FRK: variants seen among roughly 807,000 people sequenced by gnomAD.
The protein encoded by FRK is fyn related Src family tyrosine kinase, also known as tyrosine-protein kinase FRK.
In FRK, 51 loss-of-function variants were observed where a neutral mutation model predicts 56.4. The observed-to-expected ratio is 0.90, with a 90% confidence interval of 0.72 to 1.14. The LOEUF (loss-of-function observed/expected upper bound fraction) is 1.14, where lower values mean the gene tolerates loss of function less well. Among genes scored for constraint, FRK ranks in the 50% most tolerant of loss-of-function variants. The pLI, the probability that FRK is intolerant of heterozygous loss-of-function variation, is 0.00. For synonymous variants in FRK, 245 were observed against 217.9 expected, an observed-to-expected ratio of 1.12 and a Z score of -1.10; for missense variants, 570 against 601.4, an observed-to-expected ratio of 0.95 and a Z score of 0.55.
At chr6:115,957,691 A>G (rs1773063307) in intron 4 of FRK, among the ~76,000 whole-genome samples, 1 of 152,226 alleles carries the variant, frequency 6.6e-6, no homozygotes, top group South Asian at 2.1e-4. Flanking sequence ...ATCATTTCAC[A>G]TAAAACATTT....
the FRK span, among the ~76,000 whole-genome samples, chr6:116,083,826 AT>A: frequency 2.3e-3 from 331 of 144,362 alleles, 1 homozygote; most frequent in African/African-American, 5.8e-3. Context: ...TGCCCAGCTA[AT>A]TTTTTTTTTT....
intron 1 of FRK, among the ~76,000 whole-genome samples, chr6:116,029,919 T>C (rs1243294669): frequency 1.3e-5 from 2 of 152,150 alleles, no homozygotes; most frequent in Non-Finnish European, 2.9e-5. Flanking sequence ...TCCAATTATT[T>C]TGTATTTTTG....
intron 1 of FRK, among the ~76,000 whole-genome samples, chr6:116,050,521 CCTGT>C (rs1777143811): frequency 1.3e-5 from 2 of 152,244 alleles, no homozygotes; most frequent in South Asian, 2.1e-4. Flanking sequence ...AATAGTGGGC[CCTGT>C]CTAACACCCT....
chr6:115,968,222 A>G (rs966278557), intron 3 of FRK, among the ~76,000 whole-genome samples: 9 of 152,074 alleles, frequency 5.9e-5, no homozygotes, highest in African/African-American at 2.2e-4. Context: ...TTGTTTTAAG[A>G]ATTGACTAGG....
At chr6:116,093,482 G>C in the FRK span, among the ~76,000 whole-genome samples, 196 of 152,268 alleles carry the variant, frequency 1.3e-3, no homozygotes, top group Non-Finnish European at 2.3e-3. Flanking sequence ...ATCAAACCCT[G>C]GCCTTTAATG....
intron 1 of FRK, among the ~76,000 whole-genome samples, chr6:116,012,220 A>AT (rs1395441240): frequency 6.6e-6 from 1 of 152,094 alleles, no homozygotes; most frequent in Non-Finnish European, 1.5e-5. Flanking sequence ...CCACCACTAG[A>AT]TTTATCATCT....
At chr6:115,966,648 C>T (rs1773589269) in intron 4 of FRK, among the ~76,000 whole-genome samples, 1 of 152,086 alleles carries the variant, frequency 6.6e-6, no homozygotes, top group Non-Finnish European at 1.5e-5. Context: ...TACAATCTAG[C>T]CTATGTTGAT....
chr6:115,990,770 C>T (rs1207134907), intron 2 of FRK, among the ~76,000 whole-genome samples: 1 of 151,692 alleles, frequency 6.6e-6, no homozygotes, highest in East Asian at 1.9e-4. Flanking sequence ...TTTTTTGGTG[C>T]CATGTGAATT....
At chr6:116,000,431 C>T (rs1775021710) in intron 2 of FRK, among the ~76,000 whole-genome samples, 1 of 151,652 alleles carries the variant, frequency 6.6e-6, no homozygotes, top group Admixed American at 6.6e-5. Context: ...TTAGTAGAGA[C>T]AGGGTTTCAC....
intron 5 of FRK, among the ~76,000 whole-genome samples, chr6:115,952,080 T>C (rs918198786): frequency 2.6e-5 from 4 of 152,186 alleles, no homozygotes; most frequent in Non-Finnish European, 5.9e-5. Context: ...ATTCTGGATA[T>C]TAGCCCTTTG....
At chr6:116,026,966 T>C (rs1399221381) in intron 1 of FRK, among the ~76,000 whole-genome samples, 1 of 152,146 alleles carries the variant, frequency 6.6e-6, no homozygotes, top group Non-Finnish European at 1.5e-5. Context: ...TCTGAAGTAT[T>C]GGCTATTGCT....
chr6:115,972,467 TG>T, intron 2 of FRK, among the ~76,000 whole-genome samples: 1 of 152,294 alleles, frequency 6.6e-6, no homozygotes, highest in East Asian at 1.9e-4. Flanking sequence ...TCACTAGGTT[TG>T]GGGTCCCATT....
At chr6:115,993,549 A>T (rs1774703599) in intron 2 of FRK, among the ~76,000 whole-genome samples, 1 of 151,908 alleles carries the variant, frequency 6.6e-6, no homozygotes, top group Admixed American at 6.6e-5. Context: ...AAACATTAAT[A>T]TAAAAGAGGG....
intron 1 of FRK, among the ~76,000 whole-genome samples, chr6:116,054,752 A>C (rs1340282324): frequency 2.6e-5 from 4 of 151,852 alleles, no homozygotes; most frequent in African/African-American, 9.6e-5. Flanking sequence ...CAAAGGGAAC[A>C]AAATAAATGA....
chr6:116,081,660 AAT>A, the FRK span, among the ~76,000 whole-genome samples: 96 of 148,484 alleles, frequency 6.5e-4, no homozygotes, highest in Admixed American at 6.1e-4. Flanking sequence ...TCCATATAAA[AAT>A]ATATATATAT....
intron 4 of FRK, among the ~76,000 whole-genome samples, chr6:115,962,512 C>A (rs1340240450): frequency 2.2e-4 from 21 of 96,064 alleles, no homozygotes; most frequent in African/African-American, 8.9e-4. Context: ...ACAAGGATAC[C>A]CAGGAATTGA....
intron 1 of FRK, among the ~76,000 whole-genome samples, chr6:116,021,512 T>C (rs773547695): frequency 3.9e-5 from 6 of 152,108 alleles, no homozygotes; most frequent in African/African-American, 7.2e-5. Context: ...ACCTTCAAAT[T>C]ACAGTGCTAT....
the FRK span, among the ~76,000 whole-genome samples, chr6:116,091,727 G>T: frequency 2.0e-5 from 3 of 152,190 alleles, no homozygotes; most frequent in African/African-American, 7.2e-5. Flanking sequence ...ACTGAAGACA[G>T]GGGTGTCAGG....
chr6:116,039,572 T>C lies in FRK; in HGVS notation c.344+20396A>G, dbSNP rs924440024. ...AGAAGCCCAGTAACTGCCCCTCCCC[T>C]GCACATGTTTCTGATGGTGTCATCT... On this transcript the variant is annotated intron_variant, in intron 1 of 7. Transcript: ENST00000606080. 6 of 837,734 alleles carry C rather than the reference T, an allele frequency of 7.2e-6. No homozygotes were observed. The African/African-American group carries it at 8.3e-5, about 12-fold the overall frequency. The allele number at this position is 837,734 out of a possible 1,614,324, so 51.9% of individuals were successfully genotyped here.
Sources: allele counts gnomAD v4.1 joint callset (sites outside exome capture counted in the v4.1 genomes callset), GRCh38; gene constraint gnomAD v4.1.1; transcripts MANE v1.5; gene names NCBI Gene and HGNC (gene_info 2026-07-23, HGNC 2026-07-21).